Variants in KTN1 observed in about 807,000 individuals in gnomAD.
KTN1 encodes the protein kinectin 1, also known as kinectin.
KTN1 carries 130 observed loss-of-function variants against 222.5 expected under a neutral mutation model. The ratio of observed to expected loss-of-function variants is 0.58; its 90% CI spans 0.51 to 0.68. The LOEUF (loss-of-function observed/expected upper bound fraction) is 0.68, where lower values mean the gene tolerates loss of function less well. Ranked by LOEUF, KTN1 falls within the 30% of genes least tolerant of loss-of-function variation. The probability of loss-of-function intolerance (pLI) is 0.00; values close to 1 mark genes in which losing one functional copy is unlikely to be tolerated. For missense variants in KTN1, 1,508 were observed against 1,500.4 expected, an observed-to-expected ratio of 1.01 and a Z score of -0.08; for synonymous variants, 512 against 496.3, an observed-to-expected ratio of 1.03 and a Z score of -0.42.
chr14:55,655,562 A>G (rs527720901), intron 28 of KTN1, among the ~76,000 whole-genome samples: 31 of 152,254 alleles, frequency 2.0e-4, no homozygotes, highest in African/African-American at 7.0e-4. Flanking sequence ...CTAGCGGTCT[A>G]TTGCTTAGGA....
rs1258267458 is a variant in KTN1, at chr14:55,639,217, T to C, written c.1818T>C (p.His606=). 1 of 1,603,338 alleles carries C rather than the reference T, an allele frequency of 6.2e-7. No homozygotes were observed. The highest frequency in any genetic ancestry group is 1.3e-5 in the African/African-American group (1 of 74,604). Residue 606 remains histidine (H), a synonymous_variant, in exon 13 of 44, where the codon CAT becomes CAC. Transcript: ENST00000395314. ...CTTCAGTTCTAGCAGAAGAATTACATAAAGTGTAAGCCTACCTTTTCACAC... is the reference window on the plus strand; with the variant it reads ...CTTCAGTTCTAGCAGAAGAATTACACAAAGTGTAAGCCTACCTTTTCACAC... ...TSASVLAEEL[H]KVIAEKDKQI...
rs534051799 is a variant in KTN1 at position 55,650,659 on chromosome 14, C to T, written c.2565+22C>T. On this transcript the variant is annotated intron_variant, in intron 24 of 43. Transcript: ENST00000395314. ...ACAGGTAAAAATCCCAGAGCCATAG[C>T]ATGACAGATTTATTAGTTGTGTTAT... 3.2e-6 allele frequency: 5 copies of T among 1,542,602 alleles called. No homozygotes were observed. The South Asian group carries it at 5.8e-5, about 18-fold the overall frequency.
intron 1 of KTN1, among the ~76,000 whole-genome samples, chr14:55,597,154 T>C (rs1461373654): frequency 6.6e-6 from 1 of 152,168 alleles, no homozygotes; most frequent in Non-Finnish European, 1.5e-5. Context: ...ACATTGTGCG[T>C]TGGACTCTGT....
chr14:55,653,198 T>C (rs963677345), intron 27 of KTN1, 113 bp downstream of exon 27: 10 of 750,540 alleles, frequency 1.3e-5, no homozygotes, highest in Non-Finnish European at 2.0e-5. Context: ...AGAAAAATTA[T>C]GTTGTACCAT....
intron 32 of KTN1, chr14:55,661,851 A>G (rs2044180997): frequency 6.9e-6 from 2 of 291,194 alleles, no homozygotes; most frequent in South Asian, 1.6e-4. Flanking sequence ...AGCTATAATT[A>G]TTATACCTTT....
chr14:55,662,984 G>C (rs1566827891), intron 32 of KTN1: 1 of 456,010 alleles, frequency 2.2e-6, no homozygotes. Flanking sequence ...CTGGAGGCCA[G>C]CAGATAGCAG....
At chr14:55,676,026 A>G (rs2045865529) in intron 41 of KTN1, 108 bp downstream of exon 41, 1 of 681,200 alleles carries the variant, frequency 1.5e-6, no homozygotes, top group Non-Finnish European at 2.5e-6. Flanking sequence ...GCATCATAAT[A>G]TTAACCTTTT....
In KTN1 at chr14:55,603,222, A is replaced by G. The variant is rs1594782990; in HGVS notation, c.-30-8797A>G. On this transcript the variant is annotated intron_variant, in intron 1 of 43. Coordinates refer to ENST00000395314, the MANE Select transcript of KTN1 (RefSeq NM_001079521.2). ...GTAATTTCTCCCATCTTTAAAAACC[A>G]AACTGTTAACCTCATATTCTCCTCC... Among the ~76,000 whole-genome samples, 4 of 152,118 alleles carry G rather than the reference A, an allele frequency of 2.6e-5. 1 individual carries two copies. The Middle Eastern group carries it at 0.014, about 525-fold the overall frequency.
chr14:55,592,227 TA>T, intron 1 of KTN1, among the ~76,000 whole-genome samples: 1 of 152,358 alleles, frequency 6.6e-6, no homozygotes, highest in Middle Eastern at 3.4e-3. Flanking sequence ...TAAAAAGTTT[TA>T]TGTTGTCTCA....
At chr14:55,628,173 A>G (rs978612472) in intron 6 of KTN1, 145 bp downstream of exon 6, 1 of 598,284 alleles carries the variant, frequency 1.7e-6, no homozygotes, top group South Asian at 2.0e-5. Context: ...GGGAGGGTAG[A>G]TAGAGCTGTC....
chr14:55,676,057 A>G (rs1329557780), intron 41 of KTN1, 139 bp downstream of exon 41: 1 of 550,124 alleles, frequency 1.8e-6, no homozygotes, highest in East Asian at 3.0e-5. Flanking sequence ...GCTGCTTGTT[A>G]TTAGTTAGTA....
chr14:55,582,181 A>G, intron 1 of KTN1, among the ~76,000 whole-genome samples: 1 of 152,190 alleles, frequency 6.6e-6, no homozygotes, highest in Non-Finnish European at 1.5e-5. Context: ...ACTCTTAATG[A>G]TTCAGCGTCA....
chr14:55,654,538 ATT>A (rs143099004), intron 28 of KTN1, among the ~76,000 whole-genome samples: 42,492 of 140,846 alleles, frequency 0.3, 6,042 homozygotes, highest in East Asian at 0.35. Flanking sequence ...TCTGCCTTAC[ATT>A]TTTTTTTTTT....
intron 10 of KTN1, 55 bp downstream of exon 10, chr14:55,636,591 C>T: frequency 7.8e-7 from 1 of 1,286,698 alleles, no homozygotes; most frequent in Non-Finnish European, 1.1e-6. Flanking sequence ...GTAAAATTTC[C>T]TCTCTCTTCC....
In KTN1 at chr14:55,618,099, C is replaced by T; in HGVS notation, c.797C>T (p.Ser266Phe). The change falls in exon 4 of 44, where the codon TCT (serine) becomes TTT (phenylalanine). Residue 266 changes from serine (S) to phenylalanine (F), a missense_variant. Physicochemically the swap from Ser to Phe is radical, Grantham distance 155. Coordinates refer to ENST00000395314, the MANE Select transcript of KTN1 (RefSeq NM_001079521.2). ...GACCAAGTAGAAGGGATCCAGAAAT[C>T]TGGGACTAAAAAACTGAAGACCGAA... ...KPDQVEGIQK[S>F]GTKKLKTETD... 1 of 1,612,054 alleles carries T rather than the reference C, an allele frequency of 6.2e-7. No homozygotes were observed. The highest frequency in any genetic ancestry group is 8.5e-7 in the Non-Finnish European group (1 of 1,179,170).
chr14:55,672,935 AGAGAAC>A lies in KTN1; in HGVS notation c.3617_3622del (p.Arg1206_Glu1207del). Reference sequence around the variant, plus strand: ...TCCTTTGTTGCATTGCTAGCTGAGAAGAGAACGAGAACATTTGGAAATGGAACTAGA... The same window carrying A: ...TCCTTTGTTGCATTGCTAGCTGAGAAGAGAACATTTGGAAATGGAACTAGA... On this transcript the variant is annotated inframe_deletion, in exon 39 of 44. Transcript: ENST00000395314. 1 of 1,612,754 alleles carries A rather than the reference AGAGAAC, an allele frequency of 6.2e-7. No homozygotes were observed. The highest frequency in any genetic ancestry group is 8.5e-7 in the Non-Finnish European group (1 of 1,178,898).
At chr14:55,653,166 A>G (rs1195219835) in intron 27 of KTN1, 81 bp downstream of exon 27, 16 of 948,124 alleles carry the variant, frequency 1.7e-5, no homozygotes, top group Middle Eastern at 3.2e-4. Flanking sequence ...AAAGATGTTA[A>G]TATGTTCTGA....
chr14:55,620,956 T>G (rs1208636899), intron 5 of KTN1, among the ~76,000 whole-genome samples: 1 of 152,194 alleles, frequency 6.6e-6, no homozygotes, highest in African/African-American at 2.4e-5. Context: ...CTTTATTCTC[T>G]GTTTCCCTCT....
chr14:55,649,679 T>A, intron 21 of KTN1, 97 bp from the exon 22 acceptor site: 1 of 729,370 alleles, frequency 1.4e-6, no homozygotes, highest in South Asian at 1.7e-5. Flanking sequence ...ATTTGGATTT[T>A]GATTGTATTG....
Sources: gnomAD v4.1 joint callset for allele counts (sites outside exome capture counted in the v4.1 genomes callset) on GRCh38, gnomAD v4.1.1 for gene constraint, MANE v1.5 for transcripts, NCBI Gene and HGNC (gene_info 2026-07-23, HGNC 2026-07-21) for gene names.